The following LYSMD3 variants were observed in gnomAD, a reference collection of about 807,000 sequenced individuals.
LYSMD3 encodes LysM domain containing 3.
In LYSMD3, 13 loss-of-function variants were observed where a neutral mutation model predicts 26.1. The observed-to-expected ratio is 0.50, with a 90% CI of 0.32 to 0.79. The LOEUF is 0.79. LYSMD3 is among the 30% of genes least tolerant of loss of function. The pLI is 0.03. For missense variants in LYSMD3, 331 were observed against 362.5 expected (o/e 0.91, Z 0.71); for synonymous variants, 109 against 119.4 (o/e 0.91, Z 0.57).
At chr5:90,526,152 T>C in intron 1 of LYSMD3, among the ~76,000 whole-genome samples, 1 of 152,316 alleles carries the variant, frequency 6.6e-6, no homozygotes, top group East Asian at 1.9e-4. Flanking sequence ...GATTGGAGTA[T>C]CTTTCGTATT....
chr5:90,526,368 G>GT (rs1180824871), intron 1 of LYSMD3, among the ~76,000 whole-genome samples: 11 of 152,268 alleles, frequency 7.2e-5, no homozygotes, highest in South Asian at 2.1e-4. Context: ...AAAAACCATT[G>GT]TAAGACTGAC....
chr5:90,521,318 T>C (rs1753083960), intron 2 of LYSMD3, among the ~76,000 whole-genome samples: 1 of 152,106 alleles, frequency 6.6e-6, no homozygotes, highest in Admixed American at 6.5e-5. Context: ...AAAAGTTAGC[T>C]ATTATTAAAT....
intron 2 of LYSMD3, chr5:90,520,461 A>G (rs746411093): frequency 4.4e-6 from 2 of 455,204 alleles, no homozygotes; most frequent in South Asian, 3.1e-5. Context: ...GAAATGGAAC[A>G]CTGTGGAGGG....
In LYSMD3 at chr5:90,525,305, AG is replaced by A. The variant is rs747994149; in HGVS notation, c.-11-6del. ...TCCCTGCCATAATGTTAAAATCTGG[AG>A]GAAAAAAAAAGCAGAGAAAATTTTG... On this transcript the variant is annotated splice_polypyrimidine_tract_variant and splice_region_variant and intron_variant, in intron 1 of 2. Transcript: ENST00000315948. 48 of 1,568,330 alleles carry A rather than the reference AG, an allele frequency of 3.1e-5. No homozygotes were observed. The highest frequency in any genetic ancestry group is 9.6e-5 in the African/African-American group (7 of 72,670).
chr5:90,521,098 T>C (rs1036820431), intron 2 of LYSMD3, among the ~76,000 whole-genome samples: 4 of 152,020 alleles, frequency 2.6e-5, no homozygotes, highest in Admixed American at 2.0e-4. Flanking sequence ...TATACAATAG[T>C]GGTTAAAAGC....
chr5:90,519,770 T>C (rs1339722192), intron 2 of LYSMD3, among the ~76,000 whole-genome samples: 1 of 152,086 alleles, frequency 6.6e-6, no homozygotes, highest in African/African-American at 2.4e-5. Context: ...CTGCTTCCCT[T>C]TGTGCATCAT....
At position 90,519,334 on chromosome 5, in the gene LYSMD3, G is replaced by T. The variant is rs965939915; in HGVS notation, c.406C>A (p.Gln136Lys). 6.2e-7 allele frequency: 1 copy of T among 1,613,952 alleles called. No individual in the cohort carries two copies. Among genetic ancestry groups the T allele is most frequent in the African/African-American group, 1.3e-5 (1 of 74,904 alleles). ...ATTTCCTGTTGTTCGGAAGAGTATTGAACAGATGAATGACGTGAAGTCTGT... is the reference window on the plus strand; with the variant it reads ...ATTTCCTGTTGTTCGGAAGAGTATTTAACAGATGAATGACGTGAAGTCTGT... ...GRQTSRHSSVQYSSEQQEILP... is the reference protein window; with the variant it reads ...GRQTSRHSSVKYSSEQQEILP... Residue 136 changes from glutamine (Q) to lysine (K), a missense_variant, in exon 3 of 3, where the codon CAA becomes AAA. Transcript: ENST00000315948.
intron 1 of LYSMD3, chr5:90,527,088 A>C (rs939577579): frequency 5.3e-5 from 8 of 152,182 alleles, no homozygotes; most frequent in Non-Finnish European, 1.2e-4. Flanking sequence ...TAACATCTCA[A>C]AGACTCACTA....
rs915049197 is a variant in LYSMD3, at chr5:90,518,727, A to G, written c.*92T>C. 2.1e-5 allele frequency: 27 copies of G among 1,285,102 alleles called. No homozygotes were observed. Among genetic ancestry groups the G allele is most frequent in the Non-Finnish European group, 2.7e-5 (25 of 931,116 alleles). The allele number at this position is 1,285,102 out of a possible 1,614,324, so 79.6% of individuals were successfully genotyped here. On this transcript the variant is annotated 3_prime_UTR_variant, in exon 3 of 3. Coordinates refer to ENST00000315948, the MANE Select transcript of LYSMD3 (RefSeq NM_198273.2). ...AAACAAAAGCATCCTCAATCTCTCT[A>G]AATTCTGCCTTTGAAGCTATTATTG... is the stretch of plus-strand genomic sequence containing the variant.
intron 1 of LYSMD3, among the ~76,000 whole-genome samples, chr5:90,527,834 T>C (rs1211177685): frequency 6.6e-6 from 1 of 152,226 alleles, no homozygotes; most frequent in African/African-American, 2.4e-5. Context: ...TTTAATATAG[T>C]TGAATCCAAC....
chr5:90,528,355 T>C (rs1430954460), intron 1 of LYSMD3, among the ~76,000 whole-genome samples: 1 of 152,226 alleles, frequency 6.6e-6, no homozygotes, highest in African/African-American at 2.4e-5. Context: ...TAATAATTTG[T>C]ACTTAGAACT....
chr5:90,516,647 T>C lies in LYSMD3; in HGVS notation c.*2172A>G, dbSNP rs893371649. The C allele has an allele frequency of 6.6e-6, 1 of 152,316 alleles. No individual in the cohort carries two copies. Among genetic ancestry groups the C allele is most frequent in the African/African-American group, 2.4e-5 (1 of 41,436 alleles). 9.4% of individuals were successfully genotyped at this position (152,316 alleles called of 1,614,324 possible). ...TAAACAGATTAGAACCATAATTCAA[T>C]ATGTAACCTTTATATAGAATTATAT... On this transcript the variant is annotated 3_prime_UTR_variant, in exon 3 of 3. Transcript: ENST00000315948.
intron 2 of LYSMD3, among the ~76,000 whole-genome samples, chr5:90,520,157 A>AT (rs1753053625): frequency 6.6e-6 from 1 of 152,166 alleles, no homozygotes; most frequent in Non-Finnish European, 1.5e-5. Context: ...AATCACTTTT[A>AT]TAAGCTTTTT....
chr5:90,520,270 G>A (rs146174594), intron 2 of LYSMD3: 1 of 406,850 alleles, frequency 2.5e-6, no homozygotes, highest in Non-Finnish European at 5.0e-6. Context: ...AGAGGGGAGT[G>A]TCTGGCAGAT....
intron 1 of LYSMD3, 151 bp downstream of exon 1, chr5:90,529,297 T>C (rs955624648): frequency 2.4e-6 from 1 of 421,668 alleles, no homozygotes; most frequent in Non-Finnish European, 4.8e-6. Context: ...TTCTTCCCTG[T>C]CTCGGGGGTG....
intron 1 of LYSMD3, 145 bp downstream of exon 1, chr5:90,529,303 G>A (rs1400617283): frequency 2.4e-6 from 1 of 423,718 alleles, no homozygotes; most frequent in African/African-American, 2.1e-5. Flanking sequence ...CCTGTCTCGG[G>A]GGTGTCCGCC....
At chr5:90,525,425 T>C in intron 1 of LYSMD3, 125 bp from the exon 2 acceptor site, 1 of 1,009,948 alleles carries the variant, frequency 9.9e-7, no homozygotes, top group Non-Finnish European at 1.4e-6. Flanking sequence ...TATTTAAACA[T>C]TTAGGTTTAA....
chr5:90,523,809 C>T (rs1407428070), intron 2 of LYSMD3, among the ~76,000 whole-genome samples: 3 of 152,042 alleles, frequency 2.0e-5, no homozygotes, highest in African/African-American at 4.8e-5. Context: ...CAATGAGGTA[C>T]ATAGTACATA....
At chr5:90,521,334 T>C (rs1753084087) in intron 2 of LYSMD3, among the ~76,000 whole-genome samples, 1 of 152,006 alleles carries the variant, frequency 6.6e-6, no homozygotes, top group Non-Finnish European at 1.5e-5. Flanking sequence ...TAAATGTTAA[T>C]AGTAGGAAAA....
Sources: allele counts gnomAD v4.1 joint callset (sites outside exome capture counted in the v4.1 genomes callset), GRCh38; gene constraint gnomAD v4.1.1; transcripts MANE v1.5; gene names NCBI Gene and HGNC (gene_info 2026-07-23, HGNC 2026-07-21).